MYZAP: variants seen among roughly 807,000 people sequenced by gnomAD.
MYZAP encodes GRINL1A complex locus upstream.
A neutral mutation model predicts 69.4 loss-of-function variants in MYZAP; 66 were observed. The ratio of observed to expected loss-of-function variants is 0.95; its 90% confidence interval spans 0.78 to 1.17. MYZAP has a LOEUF of 1.17. Ranked by LOEUF, MYZAP falls within the 50% of genes most tolerant of loss-of-function variation. The probability of loss-of-function intolerance (pLI) is 0.00; values close to 1 mark genes in which losing one functional copy is unlikely to be tolerated. For synonymous variants in MYZAP, 256 were observed against 205.9 expected (o/e 1.24, Z -2.09); for missense variants, 611 against 556.2 (o/e 1.10, Z -0.99).
At position 57,667,335 on chromosome 15, in the gene MYZAP, G is replaced by C. The variant is rs552264609; in HGVS notation, c.1203+5802G>C. Among the ~76,000 whole-genome samples, 10 of 152,250 alleles carry C rather than the reference G, an allele frequency of 6.6e-5. No individual in the cohort carries two copies. In the East Asian group the frequency reaches 1.4e-3, roughly 21 times the overall value. On this transcript the variant is annotated intron_variant, in intron 11 of 12. Transcript: ENST00000267853. ...TGGGGGAGGTGACCGCCAAACATTC[G>C]TGACATAATTTCCAAAAAATGTCCA...
chr15:57,594,269 C>G (rs1382635546), intron 1 of MYZAP, among the ~76,000 whole-genome samples: 1 of 152,168 alleles, frequency 6.6e-6, no homozygotes, highest in African/African-American at 2.4e-5. Context: ...GCGCACACCA[C>G]CATGCTTGGC....
At chr15:57,655,632 A>G (rs1380469153) in intron 10 of MYZAP, among the ~76,000 whole-genome samples, 2 of 152,088 alleles carry the variant, frequency 1.3e-5, no homozygotes, top group Non-Finnish European at 1.5e-5. Context: ...TTAAGAAACT[A>G]AAAGAACTTT....
At chr15:57,610,892 A>G (rs529510894) in intron 2 of MYZAP, among the ~76,000 whole-genome samples, 41 of 152,230 alleles carry the variant, frequency 2.7e-4, no homozygotes, top group Admixed American at 7.9e-4. Context: ...TTCACTACCC[A>G]TGAAGAGAAA....
chr15:57,634,657 G>T (rs1441127173), intron 8 of MYZAP, among the ~76,000 whole-genome samples: 3 of 152,232 alleles, frequency 2.0e-5, no homozygotes, highest in Admixed American at 6.5e-5. Context: ...ATAAGGCGAG[G>T]TGTCGCCACT....
At chr15:57,682,419 CT>C (rs2039491201) in intron 12 of MYZAP, among the ~76,000 whole-genome samples, 1 of 152,100 alleles carries the variant, frequency 6.6e-6, no homozygotes, top group Non-Finnish European at 1.5e-5. Flanking sequence ...ATCCTGTTAA[CT>C]ATAACTCTCA....
chr15:57,664,577 C>T lies in MYZAP; in HGVS notation c.1203+3044C>T, dbSNP rs891651961. 2.0e-5 allele frequency among the ~76,000 whole-genome samples: 3 copies of T among 152,212 alleles called. No homozygotes were observed. In the South Asian group the frequency reaches 6.2e-4, roughly 32 times the overall value. On this transcript the variant is annotated intron_variant, in intron 11 of 12. Coordinates refer to ENST00000267853, the MANE Select transcript of MYZAP (RefSeq NM_001018100.5). ...GCACGGATGCTAAGCAGTCCTTCTC[C>T]AGGTCCTGAAGTCCTGGGGTGACCT...
At chr15:57,654,464 A>C (rs1287866454) in intron 10 of MYZAP, among the ~76,000 whole-genome samples, 2 of 152,158 alleles carry the variant, frequency 1.3e-5, no homozygotes, top group Non-Finnish European at 2.9e-5. Flanking sequence ...GTTTTACATA[A>C]GGCATTTTTC....
At chr15:57,604,828 T>C (rs1595856062) in intron 2 of MYZAP, among the ~76,000 whole-genome samples, 1 of 152,236 alleles carries the variant, frequency 6.6e-6, no homozygotes, top group Middle Eastern at 3.4e-3. Context: ...TGGCTGGGGG[T>C]AGGAGGCATT....
intron 10 of MYZAP, among the ~76,000 whole-genome samples, chr15:57,639,891 C>G (rs2037046421): frequency 6.6e-6 from 1 of 152,124 alleles, no homozygotes; most frequent in Non-Finnish European, 1.5e-5. Context: ...TAGCCCAGGT[C>G]CCTGCACTGC....
In MYZAP at chr15:57,684,537, C is replaced by A; in HGVS notation, c.*39C>A. Reference sequence around the variant, plus strand: ...TACACTTTTTACAGATGGACAAAAGCTCTGGAACCCTGTGGCTTCAAATCC... The same window carrying A: ...TACACTTTTTACAGATGGACAAAAGATCTGGAACCCTGTGGCTTCAAATCC... On this transcript the variant is annotated 3_prime_UTR_variant, in exon 13 of 13. Coordinates refer to ENST00000267853, the MANE Select transcript of MYZAP (RefSeq NM_001018100.5). The A allele has an allele frequency of 7.6e-7, 1 of 1,308,182 alleles. No homozygotes were observed. The highest frequency in any genetic ancestry group is 1.1e-6 in the Non-Finnish European group (1 of 914,786). 81.0% of individuals were successfully genotyped at this position (1,308,182 alleles called of 1,614,324 possible). A position where few individuals can be genotyped will look rare whatever the true frequency, so the allele number is the denominator to read the frequency against.
At chr15:57,622,535 A>G (rs1001552451) in intron 4 of MYZAP, among the ~76,000 whole-genome samples, 2 of 152,210 alleles carry the variant, frequency 1.3e-5, no homozygotes, top group Admixed American at 6.5e-5. Flanking sequence ...AGAGATTGAA[A>G]CAGTATCATA....
chr15:57,592,156 G>A (rs1448157968), intron 1 of MYZAP, 47 bp downstream of exon 1: 4 of 1,275,690 alleles, frequency 3.1e-6, no homozygotes, highest in Non-Finnish European at 4.0e-6. Context: ...CCCCCATCCC[G>A]GCCGCCCCCT....
chr15:57,608,580 G>A (rs188729259), intron 2 of MYZAP, among the ~76,000 whole-genome samples: 28 of 152,258 alleles, frequency 1.8e-4, no homozygotes, highest in African/African-American at 6.5e-4. Context: ...GCTCCCAAAT[G>A]CACAGCTTCC....
chr15:57,620,213 G>A (rs1018861700), intron 3 of MYZAP, among the ~76,000 whole-genome samples: 3 of 152,156 alleles, frequency 2.0e-5, no homozygotes, highest in Admixed American at 2.0e-4. Flanking sequence ...ATTCATGTGG[G>A]GAAGTCTGGG....
At chr15:57,597,056 G>A (rs575006652) in intron 1 of MYZAP, among the ~76,000 whole-genome samples, 1 of 152,288 alleles carries the variant, frequency 6.6e-6, no homozygotes, top group African/African-American at 2.4e-5. Flanking sequence ...TTGGCAAATG[G>A]AAAAACAGGA....
At position 57,591,916 on chromosome 15, in the gene MYZAP, G is replaced by T; in HGVS notation, c.-119G>T. 3.0e-6 allele frequency: 3 copies of T among 1,001,886 alleles called. No individual in the cohort carries two copies. Among genetic ancestry groups the T allele is most frequent in the Non-Finnish European group, 2.5e-6 (2 of 792,780 alleles). 62.1% of individuals were successfully genotyped at this position (1,001,886 alleles called of 1,614,324 possible). A position where few individuals can be genotyped will look rare whatever the true frequency, so the allele number is the denominator to read the frequency against. ...CCCACCCCCGGGCCTTCGCGGTGCA[G>T]CTGAGGCTGCAAGTAGCCGGCGCCG... On this transcript the variant is annotated 5_prime_UTR_variant, in exon 1 of 13. Coordinates refer to ENST00000267853, the MANE Select transcript of MYZAP (RefSeq NM_001018100.5).
At chr15:57,613,391 G>GAT in intron 2 of MYZAP, among the ~76,000 whole-genome samples, 1 of 151,962 alleles carries the variant, frequency 6.6e-6, no homozygotes, top group Middle Eastern at 3.4e-3. Context: ...ATTTTCTTGA[G>GAT]ATAGGGTCTT....
At chr15:57,593,193 C>CACACACACACAG (rs2033824040) in intron 1 of MYZAP, among the ~76,000 whole-genome samples, 1 of 147,486 alleles carries the variant, frequency 6.8e-6, no homozygotes, top group African/African-American at 2.6e-5. Context: ...CAGGCGCACA[C>CACACACACACAG]ACACACACAC....
chr15:57,633,676 A>G lies in MYZAP; in HGVS notation c.868A>G (p.Ile290Val). The change falls in exon 8 of 13, where the codon ATC becomes GTC. Residue 290 changes from isoleucine (I) to valine (V), a missense_variant. Ile to Val is a conservative substitution (Grantham distance 29). Coordinates refer to ENST00000267853, the MANE Select transcript of MYZAP (RefSeq NM_001018100.5). The stretch of plus-strand genomic sequence containing the variant: ...CAATAAAAAGATGCAAGCAGCAGAG[A>G]TCAGCCTAGAGGAGAAAGACCAGAG... ...EANKKMQAAE[I>V]SLEEKDQRIG... is the part of the protein sequence containing the mutation. 1 of 1,613,666 alleles carries G rather than the reference A, an allele frequency of 6.2e-7. No homozygotes were observed. The highest frequency in any genetic ancestry group is 1.1e-5 in the South Asian group (1 of 90,874).
Sources: gnomAD v4.1 joint callset for allele counts (sites outside exome capture counted in the v4.1 genomes callset) on GRCh38, gnomAD v4.1.1 for gene constraint, MANE v1.5 for transcripts, NCBI Gene and HGNC (gene_info 2026-07-23, HGNC 2026-07-21) for gene names.